The following GPD2 variants were observed in gnomAD, a reference collection of about 807,000 sequenced individuals.
GPD2 encodes glycerol-3-phosphate dehydrogenase 2.
A neutral mutation model predicts 82.4 loss-of-function variants in GPD2; 54 were observed. The ratio of observed to expected loss-of-function variants is 0.66; its 90% confidence interval spans 0.53 to 0.82. The LOEUF (loss-of-function observed/expected upper bound fraction) is 0.82. Among genes scored for constraint, GPD2 ranks in the 40% least tolerant of loss-of-function variants. GPD2 has a pLI of 0.00. For missense variants in GPD2, 748 were observed against 896.2 expected (o/e 0.83, Z 2.11); for synonymous variants, 288 against 306.1 (o/e 0.94, Z 0.62).
the GPD2 span, among the ~76,000 whole-genome samples, chr2:156,423,442 C>T: frequency 6.6e-6 from 1 of 152,054 alleles, no homozygotes; most frequent in Non-Finnish European, 1.5e-5. Context: ...TTAAAAAGAG[C>T]ATTTTTGGTT....
chr2:156,550,778 C>CA, intron 8 of GPD2, 32 bp downstream of exon 8: 3 of 1,585,010 alleles, frequency 1.9e-6, no homozygotes, highest in Non-Finnish European at 2.6e-6. Flanking sequence ...AGTTGTCACC[C>CA]AAAAAAGAGG....
the GPD2 span, among the ~76,000 whole-genome samples, chr2:156,402,097 T>A: frequency 6.6e-6 from 1 of 152,140 alleles, no homozygotes; most frequent in Non-Finnish European, 1.5e-5. Flanking sequence ...ACCCCGTGAG[T>A]TAGGAAGCTG....
chr2:156,547,409 G>A (rs1305240477), intron 6 of GPD2, among the ~76,000 whole-genome samples: 1 of 152,198 alleles, frequency 6.6e-6, no homozygotes, highest in Non-Finnish European at 1.5e-5. Context: ...AGAAGAATAA[G>A]TGTGTGTAAA....
the GPD2 span, among the ~76,000 whole-genome samples, chr2:156,427,647 T>C: frequency 6.6e-6 from 1 of 152,238 alleles, no homozygotes; most frequent in African/African-American, 2.4e-5. Flanking sequence ...GAAAGATAGA[T>C]TGGCATTAGT....
chr2:156,584,063 A>T lies in GPD2; in HGVS notation c.*1145A>T, dbSNP rs993482953. 2 of 151,960 alleles carry T rather than the reference A, an allele frequency of 1.3e-5. No homozygotes were observed. The highest frequency in any genetic ancestry group is 2.9e-5 in the Non-Finnish European group (2 of 67,934). 9.4% of individuals were successfully genotyped at this position (151,960 alleles called of 1,614,324 possible). On this transcript the variant is annotated 3_prime_UTR_variant, in exon 17 of 17. Coordinates refer to ENST00000438166, the MANE Select transcript of GPD2 (RefSeq NM_000408.5). ...GTCTTTCCCCTTCTGTACTCCATGG[A>T]AATATTCTCAGTAAACCAAAAACAA...
At chr2:156,558,361 A>T (rs1687040415) in intron 9 of GPD2, among the ~76,000 whole-genome samples, 1 of 152,116 alleles carries the variant, frequency 6.6e-6, no homozygotes, top group Non-Finnish European at 1.5e-5. Context: ...TCCATCAGCC[A>T]CTTCATTGCC....
intron 6 of GPD2, among the ~76,000 whole-genome samples, chr2:156,527,414 C>A (rs1685652940): frequency 6.6e-6 from 1 of 152,104 alleles, no homozygotes; most frequent in Non-Finnish European, 1.5e-5. Context: ...ACTCATATCA[C>A]ACTTACATTA....
chr2:156,412,165 G>A, the GPD2 span, among the ~76,000 whole-genome samples: 1 of 152,172 alleles, frequency 6.6e-6, no homozygotes, highest in Non-Finnish European at 1.5e-5. Flanking sequence ...GCCAGGAGTG[G>A]TGGCTCACAC....
chr2:156,502,137 T>G (rs1573936692), intron 3 of GPD2, among the ~76,000 whole-genome samples: 1 of 152,094 alleles, frequency 6.6e-6, no homozygotes, highest in Non-Finnish European at 1.5e-5. Context: ...TGTGTATGTA[T>G]GCATGCATAT....
intron 13 of GPD2, among the ~76,000 whole-genome samples, chr2:156,577,402 G>T (rs529298579): frequency 6.6e-6 from 1 of 152,154 alleles, no homozygotes; most frequent in Admixed American, 6.6e-5. Flanking sequence ...GAAGTGGGAG[G>T]ATTGAGCCTG....
At chr2:156,569,673 A>G (rs891851405) in intron 11 of GPD2, 135 bp downstream of exon 11, 16 of 750,544 alleles carry the variant, frequency 2.1e-5, no homozygotes, top group Middle Eastern at 3.5e-4. Context: ...CTGTTATGGA[A>G]GGAAAAAAAG....
At position 156,557,442 on chromosome 2, in the gene GPD2, T is replaced by A; in HGVS notation, c.1025T>A (p.Phe342Tyr). 6.2e-7 allele frequency: 1 copy of A among 1,611,438 alleles called. No individual in the cohort carries two copies. The highest frequency in any genetic ancestry group is 8.5e-7 in the Non-Finnish European group (1 of 1,177,570). ...DPATSDGRVI[F>Y]FLPWQKMTIA... ...GCGACCAGTGATGGGCGAGTTATTTTCTTCTTACCCTGGCAAAAGATGACG... is the reference window on the plus strand; with the variant it reads ...GCGACCAGTGATGGGCGAGTTATTTACTTCTTACCCTGGCAAAAGATGACG... Residue 342 changes from phenylalanine to tyrosine, a missense_variant, in exon 9 of 17, where the codon TTC becomes TAC. Physicochemically the swap from Phe to Tyr is conservative, Grantham distance 22. Transcript: ENST00000438166.
At chr2:156,542,569 G>T (rs1044959303) in intron 6 of GPD2, among the ~76,000 whole-genome samples, 3 of 152,030 alleles carry the variant, frequency 2.0e-5, no homozygotes, top group African/African-American at 4.8e-5. Context: ...TAAAACATAG[G>T]TGAATATTTT....
At chr2:156,498,137 G>A (rs573881610) in intron 3 of GPD2, among the ~76,000 whole-genome samples, 100 of 152,294 alleles carry the variant, frequency 6.6e-4, no homozygotes, top group African/African-American at 2.1e-3. Context: ...TTCATGCTAT[G>A]CACTAAAATA....
the GPD2 span, among the ~76,000 whole-genome samples, chr2:156,427,683 C>T: frequency 6.6e-6 from 1 of 152,202 alleles, no homozygotes; most frequent in African/African-American, 2.4e-5. Flanking sequence ...ATGGAGAAAG[C>T]TGTATTAGTT....
At chr2:156,518,029 A>G (rs1685262465) in intron 6 of GPD2, among the ~76,000 whole-genome samples, 1 of 152,230 alleles carries the variant, frequency 6.6e-6, no homozygotes, top group Non-Finnish European at 1.5e-5. Context: ...ACATATGAAA[A>G]TAGCAACTAT....
intron 1 of GPD2, among the ~76,000 whole-genome samples, chr2:156,466,419 T>C (rs1440299347): frequency 6.6e-6 from 1 of 152,232 alleles, no homozygotes; most frequent in African/African-American, 2.4e-5. Context: ...TTCATTGATT[T>C]CTTATAATTC....
At chr2:156,480,105 C>T (rs1450807707) in intron 2 of GPD2, among the ~76,000 whole-genome samples, 1 of 152,208 alleles carries the variant, frequency 6.6e-6, no homozygotes, top group African/African-American at 2.4e-5. Context: ...CTTATCCAGT[C>T]TAAGGTCTAC....
intron 1 of GPD2, among the ~76,000 whole-genome samples, chr2:156,450,037 G>A (rs910033392): frequency 4.6e-5 from 7 of 151,726 alleles, no homozygotes; most frequent in African/African-American, 1.7e-4. Flanking sequence ...AGAAAGAAGT[G>A]GATAGATTCA....
Sources: allele counts gnomAD v4.1 joint callset (sites outside exome capture counted in the v4.1 genomes callset), GRCh38; gene constraint gnomAD v4.1.1; transcripts MANE v1.5; gene names NCBI Gene and HGNC (gene_info 2026-07-23, HGNC 2026-07-21).